Variants in LAMA2 observed in about 807,000 individuals in gnomAD.
LAMA2 encodes the protein laminin subunit alpha 2.
In LAMA2, 269 loss-of-function variants were observed where a neutral mutation model predicts 364.8. The observed-to-expected ratio is 0.74, with a 90% CI of 0.67 to 0.82. The LOEUF (loss-of-function observed/expected upper bound fraction) is 0.82. Among genes scored for constraint, LAMA2 ranks in the 40% least tolerant of loss-of-function variants. The pLI, the probability that LAMA2 is intolerant of heterozygous loss-of-function variation, is 0.00. For synonymous variants in LAMA2, 1,379 were observed against 1,370.6 expected (o/e 1.01, Z -0.14); for missense variants, 3,807 against 3,873.2 (o/e 0.98, Z 0.45).
intron 57 of LAMA2, 101 bp from the exon 58 acceptor site, chr6:129,492,214 A>G (rs1245322296): frequency 7.0e-7 from 1 of 1,437,952 alleles, no homozygotes; most frequent in African/African-American, 1.4e-5. Context: ...AGACTGAGAA[A>G]AGCACACTAA....
chr6:129,513,899 ATATAAT>A (rs928314103), intron 63 of LAMA2, among the ~76,000 whole-genome samples: 8 of 152,256 alleles, frequency 5.3e-5, no homozygotes, highest in African/African-American at 1.7e-4. Context: ...AAGGAAAAAA[ATATAAT>A]TAAAACATCA....
intron 1 of LAMA2, among the ~76,000 whole-genome samples, chr6:128,947,262 C>T (rs1780538907): frequency 6.6e-6 from 1 of 152,148 alleles, no homozygotes; most frequent in South Asian, 2.1e-4. Flanking sequence ...TGCACGTTGA[C>T]TTCTTTATGC....
intron 4 of LAMA2, among the ~76,000 whole-genome samples, chr6:129,143,106 A>C (rs376714361): frequency 6.0e-4 from 92 of 152,108 alleles, no homozygotes; most frequent in African/African-American, 2.1e-3. Flanking sequence ...CCAGCCTTCT[A>C]CACCTTTGGA....
At position 129,314,638 on chromosome 6, in the gene LAMA2, C is replaced by G. The variant is rs775857712; in HGVS notation, c.3412-17C>G. On this transcript the variant is annotated splice_polypyrimidine_tract_variant and intron_variant, in intron 23 of 64. Coordinates refer to ENST00000421865, the MANE Select transcript of LAMA2 (RefSeq NM_000426.4). The stretch of plus-strand genomic sequence containing the variant: ...CTTTGCCGTTATAAACTCTGAGGGT[C>G]TCTTGTCTTTCCTCAGGTGAATGTG... 3.1e-6 allele frequency: 5 copies of G among 1,612,722 alleles called. No homozygotes were observed. Among genetic ancestry groups the G allele is most frequent in the Non-Finnish European group, 4.2e-6 (5 of 1,179,738 alleles).
At chr6:129,091,409 T>C (rs1169801863) in intron 3 of LAMA2, among the ~76,000 whole-genome samples, 1 of 152,220 alleles carries the variant, frequency 6.6e-6, no homozygotes, top group Non-Finnish European at 1.5e-5. Context: ...ATGAGTTTAA[T>C]GTGAGTATAA....
chr6:129,008,231 A>C (rs915000638), intron 1 of LAMA2, among the ~76,000 whole-genome samples: 1 of 152,038 alleles, frequency 6.6e-6, no homozygotes, highest in South Asian at 2.1e-4. Context: ...CTCTGTGTGC[A>C]TTTACTGACG....
chr6:129,025,899 T>A (rs1208653176), intron 1 of LAMA2, among the ~76,000 whole-genome samples: 1 of 152,206 alleles, frequency 6.6e-6, no homozygotes, highest in Non-Finnish European at 1.5e-5. Flanking sequence ...CTTCCTACAC[T>A]TAACAGCCAG....
At chr6:129,500,921 C>CA in intron 58 of LAMA2, among the ~76,000 whole-genome samples, 1 of 152,266 alleles carries the variant, frequency 6.6e-6, no homozygotes, top group African/African-American at 2.4e-5. Flanking sequence ...GGACATAACC[C>CA]ACTGGTGGTT....
At chr6:129,191,725 G>C (rs931689605) in intron 11 of LAMA2, among the ~76,000 whole-genome samples, 1 of 152,228 alleles carries the variant, frequency 6.6e-6, no homozygotes, top group Non-Finnish European at 1.5e-5. Flanking sequence ...GGGATAAGCA[G>C]AGTCAAATAG....
At position 129,315,479 on chromosome 6, in the gene LAMA2, A is replaced by G. The variant is rs1774524201; in HGVS notation, c.3559A>G (p.Thr1187Ala). 1 of 1,613,906 alleles carries G rather than the reference A, an allele frequency of 6.2e-7. No homozygotes were observed. Among genetic ancestry groups the G allele is most frequent in the African/African-American group, 1.3e-5 (1 of 74,888 alleles). ...EAKGLIRTWV[T>A]LKAEQTILPL... ...GCTGTATTTTGACCCCTTGCAGGTG[A>G]CTCTGAAGGCTGAGCAGACCATTCT... The change falls in exon 25 of 65, where the codon ACT (threonine) becomes GCT (alanine). Residue 1187 changes from threonine to alanine, a missense_variant. Coordinates refer to ENST00000421865, the MANE Select transcript of LAMA2 (RefSeq NM_000426.4).
chr6:128,923,607 A>G (rs1778890679), intron 1 of LAMA2, among the ~76,000 whole-genome samples: 1 of 152,182 alleles, frequency 6.6e-6, no homozygotes, highest in Admixed American at 6.5e-5. Context: ...GAAGATATAG[A>G]TAGTAGAATG....
intron 12 of LAMA2, among the ~76,000 whole-genome samples, chr6:129,218,379 T>C (rs1783562672): frequency 6.6e-6 from 1 of 152,146 alleles, no homozygotes; most frequent in African/African-American, 2.4e-5. Flanking sequence ...ATTATATAAA[T>C]CTTGGTTTAA....
At chr6:129,196,268 G>A (rs1003842207) in intron 12 of LAMA2, among the ~76,000 whole-genome samples, 1 of 152,048 alleles carries the variant, frequency 6.6e-6, no homozygotes, top group African/African-American at 2.4e-5. Flanking sequence ...CTTTTGTTTT[G>A]TTGTTCTTGC....
chr6:129,376,588 G>A (rs1778388821), intron 34 of LAMA2, among the ~76,000 whole-genome samples: 1 of 152,030 alleles, frequency 6.6e-6, no homozygotes, highest in African/African-American at 2.4e-5. Flanking sequence ...TTGTGCCCCT[G>A]GCCATCTGCA....
chr6:128,914,010 G>A (rs1453427812), intron 1 of LAMA2, among the ~76,000 whole-genome samples: 2 of 152,098 alleles, frequency 1.3e-5, no homozygotes, highest in African/African-American at 4.8e-5. Context: ...GGATTGTAGA[G>A]AAATGGAGAT....
At chr6:129,426,992 T>A (rs1005117099) in intron 40 of LAMA2, among the ~76,000 whole-genome samples, 6 of 152,342 alleles carry the variant, frequency 3.9e-5, no homozygotes, top group African/African-American at 1.4e-4. Context: ...GTTTGATTTA[T>A]CTCTTGGTAT....
chr6:129,063,173 C>A (rs1435885981), intron 3 of LAMA2, among the ~76,000 whole-genome samples: 2 of 151,918 alleles, frequency 1.3e-5, no homozygotes, highest in African/African-American at 2.4e-5. Context: ...ATGATAATGG[C>A]AATATAGCAA....
intron 4 of LAMA2, among the ~76,000 whole-genome samples, chr6:129,101,246 G>T (rs1366750122): frequency 6.6e-6 from 1 of 152,116 alleles, no homozygotes; most frequent in Non-Finnish European, 1.5e-5. Flanking sequence ...CTCAGAATAT[G>T]GGAAAACCAG....
intron 1 of LAMA2, among the ~76,000 whole-genome samples, chr6:128,955,202 A>T (rs948190014): frequency 3.4e-4 from 51 of 152,080 alleles, no homozygotes; most frequent in African/African-American, 1.2e-3. Context: ...ATCAAAGCAA[A>T]GGCTTATGTG....
Sources: gnomAD v4.1 joint callset for allele counts (sites outside exome capture counted in the v4.1 genomes callset) on GRCh38, gnomAD v4.1.1 for gene constraint, MANE v1.5 for transcripts, NCBI Gene and HGNC (gene_info 2026-07-23, HGNC 2026-07-21) for gene names.